The following GNB1 variants were observed in gnomAD, a reference collection of about 807,000 sequenced individuals.
The protein encoded by GNB1 is G protein subunit beta 1.
Under a neutral mutation model 42.9 loss-of-function variants are expected in GNB1, and 2 were observed. That is an observed-to-expected ratio of 0.05 (90% confidence interval 0.02 to 0.15). GNB1 has a LOEUF of 0.15. Among genes scored for constraint, GNB1 ranks in the 10% least tolerant of loss-of-function variants. The probability of loss-of-function intolerance (pLI) is 1.00; values close to 1 mark genes in which losing one functional copy is unlikely to be tolerated. For synonymous variants in GNB1, 183 were observed against 174.7 expected (o/e 1.05, Z -0.38); for missense variants, 193 against 462.2 (o/e 0.42, Z 5.34).
At chr1:1,800,999 G>C (rs1646618372) in intron 7 of GNB1, among the ~76,000 whole-genome samples, 1 of 152,240 alleles carries the variant, frequency 6.6e-6, no homozygotes, top group South Asian at 2.1e-4. Context: ...ACTGGACATG[G>C]AAGATCTCTC....
intron 2 of GNB1, among the ~76,000 whole-genome samples, chr1:1,832,770 T>C (rs966423713): frequency 6.6e-6 from 1 of 152,176 alleles, no homozygotes; most frequent in Non-Finnish European, 1.5e-5. Context: ...AGTTTGCCAA[T>C]GACAAAATAG....
At chr1:1,821,496 T>C (rs185957384) in intron 3 of GNB1, among the ~76,000 whole-genome samples, 1 of 152,340 alleles carries the variant, frequency 6.6e-6, no homozygotes, top group Admixed American at 6.5e-5. Context: ...TTCACTATGC[T>C]CTGCATTCTT....
intron 1 of GNB1, among the ~76,000 whole-genome samples, 153 bp downstream of exon 1, chr1:1,890,667 C>T (rs1320463219): frequency 6.8e-6 from 1 of 147,924 alleles, no homozygotes; most frequent in Non-Finnish European, 1.5e-5. Flanking sequence ...CCCCAGCCCC[C>T]GGCCCCCCCT....
intron 2 of GNB1, 189 bp from the exon 3 acceptor site, chr1:1,825,688 C>A: frequency 2.7e-6 from 1 of 369,642 alleles, no homozygotes; most frequent in South Asian, 3.2e-5. Flanking sequence ...CACGGTCAAA[C>A]CCCTTCTCTA....
chr1:1,888,887 C>G (rs1650307591), intron 1 of GNB1, among the ~76,000 whole-genome samples: 1 of 152,184 alleles, frequency 6.6e-6, no homozygotes, highest in Admixed American at 6.5e-5. Context: ...ACAAAACCCA[C>G]CATTCAGTCC....
chr1:1,800,304 G>A (rs1203740745), intron 7 of GNB1, among the ~76,000 whole-genome samples: 1 of 152,142 alleles, frequency 6.6e-6, no homozygotes, highest in African/African-American at 2.4e-5. Context: ...ATTATACAAG[G>A]ACAGGGAATC....
chr1:1,810,663 TTTTC>T (rs1254821825), intron 5 of GNB1, among the ~76,000 whole-genome samples: 2 of 151,088 alleles, frequency 1.3e-5, no homozygotes, highest in East Asian at 3.9e-4. Flanking sequence ...TTGCATGTAG[TTTTC>T]TTTTTTGTTT....
chr1:1,848,581 T>C (rs776310704), intron 1 of GNB1, among the ~76,000 whole-genome samples: 2 of 152,168 alleles, frequency 1.3e-5, no homozygotes, highest in Non-Finnish European at 2.9e-5. Flanking sequence ...ACTCATTAAA[T>C]AGTAAATACA....
chr1:1,889,906 C>G (rs1252379103), intron 1 of GNB1, among the ~76,000 whole-genome samples: 2 of 151,722 alleles, frequency 1.3e-5, no homozygotes, highest in Admixed American at 6.6e-5. Flanking sequence ...GCCGAAAAGC[C>G]GATCCAGGCA....
chr1:1,869,498 T>C (rs1649130613), intron 1 of GNB1, among the ~76,000 whole-genome samples: 1 of 152,128 alleles, frequency 6.6e-6, no homozygotes, highest in Non-Finnish European at 1.5e-5. Flanking sequence ...GCAACACAGG[T>C]CCATCAGGAA....
chr1:1,880,313 T>C (rs750917168), intron 1 of GNB1, among the ~76,000 whole-genome samples: 7 of 152,272 alleles, frequency 4.6e-5, no homozygotes, highest in African/African-American at 1.7e-4. Flanking sequence ...TTAATATGAT[T>C]ATGAAGGCCG....
At chr1:1,810,376 T>A (rs901896204) in intron 5 of GNB1, among the ~76,000 whole-genome samples, 1 of 151,756 alleles carries the variant, frequency 6.6e-6, no homozygotes, top group Non-Finnish European at 1.5e-5. Context: ...ACAAAAAATA[T>A]TTTTTAAAAA....
chr1:1,806,739 T>G (rs1397437239), intron 5 of GNB1, among the ~76,000 whole-genome samples: 1 of 152,124 alleles, frequency 6.6e-6, no homozygotes. Context: ...TTTGGGAGGC[T>G]GAGGTGGGCA....
intron 2 of GNB1, among the ~76,000 whole-genome samples, chr1:1,830,155 C>T (rs1004549681): frequency 6.6e-6 from 1 of 152,132 alleles, no homozygotes; most frequent in Non-Finnish European, 1.5e-5. Flanking sequence ...CTTACTAACC[C>T]CCCTACACAC....
Position 1,790,140 on chromosome 1 carries a change from T to A in GNB1, c.699+255A>T, listed in dbSNP as rs1374011488. ...CTGAGTTATCTTACTGTCTTTCCCC[T>A]CCAGGATCCCAACCACTGCTCAGCT... On this transcript the variant is annotated intron_variant, in intron 9 of 11. Coordinates refer to ENST00000378609, the MANE Select transcript of GNB1 (RefSeq NM_002074.5). This position sits in a 1 kb window ranked among gnomAD's most constrained non-coding sequence, Gnocchi z 5.4. 6.6e-6 allele frequency among the ~76,000 whole-genome samples: 1 copy of A among 152,092 alleles called. No homozygotes were observed. Among genetic ancestry groups the A allele is most frequent in the African/African-American group, 2.4e-5 (1 of 41,404 alleles).
intron 2 of GNB1, chr1:1,832,126 G>C: frequency 6.6e-6 from 1 of 151,372 alleles, no homozygotes; most frequent in African/African-American, 2.4e-5. Flanking sequence ...AGATAGAATA[G>C]CATTTTTATT....
intron 7 of GNB1, among the ~76,000 whole-genome samples, chr1:1,798,322 G>A (rs1315690425): frequency 2.0e-5 from 3 of 152,168 alleles, no homozygotes; most frequent in Non-Finnish European, 4.4e-5. Context: ...GGGTTTACGG[G>A]GAGACAACAT....
chr1:1,861,242 A>G (rs895040716), intron 1 of GNB1, among the ~76,000 whole-genome samples: 1 of 152,114 alleles, frequency 6.6e-6, no homozygotes, highest in Non-Finnish European at 1.5e-5. Flanking sequence ...AGACTGTTAG[A>G]AGCCAGGACT....
At chr1:1,822,483 A>AT (rs1053886408) in intron 3 of GNB1, among the ~76,000 whole-genome samples, 1 of 150,018 alleles carries the variant, frequency 6.7e-6, no homozygotes. Flanking sequence ...TTTTTTTTGT[A>AT]TTTTTTTTCT....
Sources: allele counts gnomAD v4.1 joint callset (sites outside exome capture counted in the v4.1 genomes callset), GRCh38; gene constraint gnomAD v4.1.1; non-coding constraint Gnocchi (gnomAD v3.1); transcripts MANE v1.5; gene names NCBI Gene and HGNC (gene_info 2026-07-23, HGNC 2026-07-21).